CACNA1A: variants seen among roughly 807,000 people sequenced by gnomAD.
The protein encoded by CACNA1A is calcium voltage-gated channel subunit alpha1 A, also known as voltage-dependent P/Q-type calcium channel subunit alpha-1A.
A neutral mutation model predicts 262.4 loss-of-function variants in CACNA1A; 57 were observed. The observed-to-expected ratio is 0.22, with a 90% CI of 0.18 to 0.27. The LOEUF is 0.27. Ranked by LOEUF, CACNA1A falls within the 10% of genes least tolerant of loss-of-function variation. The pLI is 1.00. For missense variants in CACNA1A, 2,526 were observed against 3,562.8 expected, an observed-to-expected ratio of 0.71 and a Z score of 7.41; for synonymous variants, 1,431 against 1,419.3, an observed-to-expected ratio of 1.01 and a Z score of -0.18.
intron 45 of CACNA1A, 138 bp from the exon 46 acceptor site, chr19:13,209,147 G>A (rs2054704246): frequency 2.2e-6 from 3 of 1,367,516 alleles, no homozygotes; most frequent in Admixed American, 2.1e-5. Context: ...GGGTTGGGGG[G>A]AGGGGGTAGT....
intron 3 of CACNA1A, among the ~76,000 whole-genome samples, chr19:13,391,908 G>A (rs953367707): frequency 6.6e-6 from 1 of 151,672 alleles, no homozygotes; most frequent in Admixed American, 6.6e-5. Flanking sequence ...ATGGTGGCTT[G>A]TGCCTGTAGC....
intron 19 of CACNA1A, 143 bp from the exon 20 acceptor site, chr19:13,287,109 T>C (rs914582308): frequency 1.7e-5 from 12 of 687,482 alleles, no homozygotes; most frequent in Admixed American, 3.1e-5. Context: ...CCCAGCACTT[T>C]GGGAAGCGGA....
intron 3 of CACNA1A, among the ~76,000 whole-genome samples, chr19:13,441,496 C>T (rs1048322915): frequency 6.6e-6 from 1 of 151,438 alleles, no homozygotes; most frequent in Admixed American, 6.6e-5. Flanking sequence ...GTGAAACCCC[C>T]TCTCTACTAA....
At chr19:13,419,271 G>A (rs2060276552) in intron 3 of CACNA1A, among the ~76,000 whole-genome samples, 1 of 152,162 alleles carries the variant, frequency 6.6e-6, no homozygotes, top group South Asian at 2.1e-4. Flanking sequence ...GGTGCAATAG[G>A]GTATGCCCCA....
intron 22 of CACNA1A, among the ~76,000 whole-genome samples, chr19:13,280,964 T>C (rs1370926246): frequency 2.2e-5 from 3 of 135,058 alleles, no homozygotes; most frequent in Non-Finnish European, 4.8e-5. Flanking sequence ...AAAAAAAGAA[T>C]GCCCATCAAT....
At chr19:13,307,918 G>C in intron 14 of CACNA1A, 64 bp from the exon 15 acceptor site, 1 of 1,474,430 alleles carries the variant, frequency 6.8e-7, no homozygotes, top group Non-Finnish European at 9.5e-7. Context: ...GTGTGGCTCA[G>C]TATCTCATCT....
At chr19:13,340,177 C>T (rs1020428306) in intron 6 of CACNA1A, among the ~76,000 whole-genome samples, 1 of 152,022 alleles carries the variant, frequency 6.6e-6, no homozygotes, top group Non-Finnish European at 1.5e-5. Context: ...GAAAAACAGC[C>T]GAGGCCCTTC....
At chr19:13,442,316 T>C (rs1390884052) in intron 3 of CACNA1A, among the ~76,000 whole-genome samples, 2 of 152,200 alleles carry the variant, frequency 1.3e-5, no homozygotes, top group Non-Finnish European at 2.9e-5. Flanking sequence ...TTTCAGTGTT[T>C]TCCCACTGAG....
rs111366222 is a variant in CACNA1A at position 13,359,597 on chromosome 19, A to G, written c.978+9T>C. 89 of 1,602,842 alleles carry G rather than the reference A, an allele frequency of 5.6e-5. No homozygotes were observed. The African/African-American group carries it at 1.2e-3, about 21-fold the overall frequency. On this transcript the variant is annotated intron_variant, in intron 6 of 46. Transcript: ENST00000360228. ...GATTGTCCACACACACTGTCCCAGC[A>G]TCACTTACATTGTAGAGGAGATCAG...
intron 3 of CACNA1A, among the ~76,000 whole-genome samples, chr19:13,391,913 T>C (rs1216858612): frequency 2.0e-5 from 3 of 151,554 alleles, no homozygotes; most frequent in Non-Finnish European, 1.5e-5. Context: ...GGCTTGTGCC[T>C]GTAGCCCCAG....
chr19:13,431,706 G>A (rs1324088762), intron 3 of CACNA1A, among the ~76,000 whole-genome samples: 1 of 152,118 alleles, frequency 6.6e-6, no homozygotes, highest in Non-Finnish European at 1.5e-5. Flanking sequence ...TTAAAAAGGA[G>A]CAAATTCCAT....
intron 1 of CACNA1A, among the ~76,000 whole-genome samples, chr19:13,484,465 G>C (rs942900228): frequency 1.3e-5 from 2 of 152,142 alleles, no homozygotes; most frequent in African/African-American, 4.8e-5. Flanking sequence ...GAGATAGAGA[G>C]AGGGGAGAGA....
chr19:13,228,131 C>G (rs556251136), intron 36 of CACNA1A, among the ~76,000 whole-genome samples: 1 of 152,086 alleles, frequency 6.6e-6, no homozygotes, highest in Admixed American at 6.6e-5. Flanking sequence ...TGGTCTCAAA[C>G]TCCTGGGCTC....
intron 1 of CACNA1A, among the ~76,000 whole-genome samples, chr19:13,490,064 T>A (rs766491981): frequency 9.9e-5 from 15 of 152,126 alleles, no homozygotes; most frequent in Non-Finnish European, 1.5e-4. Flanking sequence ...CTGTGTTTTG[T>A]CCATCTACGT....
chr19:13,221,241 T>TCTTTCTTTCTTTCTCTTTC (rs2055215222), intron 38 of CACNA1A, among the ~76,000 whole-genome samples: 1 of 68,330 alleles, frequency 1.5e-5, no homozygotes, highest in Non-Finnish European at 3.2e-5. Flanking sequence ...TTTCTTTTTT[T>TCTTTCTTTCTTTCTCTTTC]TTTTTTTTTT....
Position 13,317,309 on chromosome 19 carries a change from G to A in CACNA1A, c.1358C>T (p.Ala453Val). The change falls in exon 11 of 47, where the codon GCC becomes GTC. Residue 453 changes from alanine (A) to valine (V), a missense_variant. Physicochemically the swap from Ala to Val is moderately conservative, Grantham distance 64 (BLOSUM62 0). Coordinates refer to ENST00000360228, the MANE Select transcript of CACNA1A (RefSeq NM_001127222.2). ...CTTGGCACTTTTAATGCTGGCTCGGGCGAAGGGAGAACCTGCCAGGGAAAA... is the reference window on the plus strand; with the variant it reads ...CTTGGCACTTTTAATGCTGGCTCGGACGAAGGGAGAACCTGCCAGGGAAAA... The part of the protein sequence containing the change: ...ADIASVGSPF[A>V]RASIKSAKLE... 6.2e-7 allele frequency: 1 copy of A among 1,601,544 alleles called. No individual in the cohort carries two copies. Among genetic ancestry groups the A allele is most frequent in the Non-Finnish European group, 8.6e-7 (1 of 1,169,530 alleles).
At position 13,255,271 on chromosome 19, in the gene CACNA1A, A is replaced by C; in HGVS notation, c.4591-12T>G. On this transcript the variant is annotated splice_polypyrimidine_tract_variant and intron_variant, in intron 28 of 46. Coordinates refer to ENST00000360228, the MANE Select transcript of CACNA1A (RefSeq NM_001127222.2). ...TCAATGCAGGCCCTCTGCGGGAGAG[A>C]GGCCAGTGGTGAGAGCGGCAGAGGC... The C allele has an allele frequency of 6.3e-7, 1 of 1,581,072 alleles. No homozygotes were observed. The highest frequency in any genetic ancestry group is 1.8e-4 in the Middle Eastern group (1 of 5,488).
chr19:13,278,617 C>T (rs1600229472), intron 22 of CACNA1A, among the ~76,000 whole-genome samples: 1 of 152,154 alleles, frequency 6.6e-6, no homozygotes, highest in South Asian at 2.1e-4. Flanking sequence ...ATCTCATTGT[C>T]CATCTCCCCC....
At chr19:13,434,805 A>G (rs954137278) in intron 3 of CACNA1A, among the ~76,000 whole-genome samples, 1 of 151,546 alleles carries the variant, frequency 6.6e-6, no homozygotes, top group Non-Finnish European at 1.5e-5. Flanking sequence ...TATTATTATT[A>G]TTTTTACAAG....
Sources: gnomAD v4.1 joint callset for allele counts (sites outside exome capture counted in the v4.1 genomes callset) on GRCh38, gnomAD v4.1.1 for gene constraint, MANE v1.5 for transcripts, NCBI Gene and HGNC (gene_info 2026-07-23, HGNC 2026-07-21) for gene names.